Variants in NBAS observed in about 807,000 individuals in gnomAD.
The protein encoded by NBAS is NBAS subunit of NRZ tethering complex.
A neutral mutation model predicts 302.5 loss-of-function variants in NBAS; 219 were observed. The ratio of observed to expected loss-of-function variants is 0.72; its 90% CI spans 0.65 to 0.81. The LOEUF is 0.81. NBAS is among the 30% of genes least tolerant of loss of function. The pLI is 0.00. For missense variants in NBAS, 2,932 were observed against 2,841.6 expected (o/e 1.03, Z -0.72); for synonymous variants, 1,118 against 1,021.6 (o/e 1.09, Z -1.80).
At chr2:14,960,477 C>T in the NBAS span, among the ~76,000 whole-genome samples, 1 of 152,170 alleles carries the variant, frequency 6.6e-6, no homozygotes, top group African/African-American at 2.4e-5. Context: ...TGCATTAAGT[C>T]TTCTAATTCT....
chr2:15,374,009 C>T (rs75220008), intron 31 of NBAS, among the ~76,000 whole-genome samples: 1,681 of 152,248 alleles, frequency 0.011, 23 homozygotes, highest in African/African-American at 0.038. Flanking sequence ...GTCCTCACAG[C>T]ATAAATAGAT....
At chr2:15,078,740 C>T in the NBAS span, among the ~76,000 whole-genome samples, 411 of 152,232 alleles carry the variant, frequency 2.7e-3, 1 homozygote, top group African/African-American at 9.4e-3. Flanking sequence ...TTCGACTGTA[C>T]AGAAGAAAAT....
the NBAS span, among the ~76,000 whole-genome samples, chr2:15,003,835 G>A: frequency 6.6e-6 from 1 of 152,174 alleles, no homozygotes; most frequent in South Asian, 2.1e-4. Flanking sequence ...TAAAGCACCT[G>A]ATATTTCAAG....
the NBAS span, among the ~76,000 whole-genome samples, chr2:14,796,596 T>C: frequency 1.3e-5 from 2 of 152,068 alleles, no homozygotes; most frequent in Admixed American, 6.6e-5. Context: ...ATGCTATTGA[T>C]AGCGACAGGA....
the NBAS span, among the ~76,000 whole-genome samples, chr2:14,909,319 CA>C: frequency 0.048 from 2,248 of 46,658 alleles, 105 homozygotes; most frequent in African/African-American, 0.14. Context: ...GACTCCGTCT[CA>C]AAAAAAAAAA....
intron 10 of NBAS, among the ~76,000 whole-genome samples, chr2:15,506,420 G>A (rs890045957): frequency 6.6e-6 from 1 of 152,018 alleles, no homozygotes; most frequent in Non-Finnish European, 1.5e-5. Context: ...AACATACGAA[G>A]GGCAAATAAT....
chr2:14,794,777 C>T, the NBAS span, among the ~76,000 whole-genome samples: 4 of 152,146 alleles, frequency 2.6e-5, no homozygotes, highest in Admixed American at 1.3e-4. Context: ...ATTCCCCATT[C>T]CCAGTCAAAA....
intron 44 of NBAS, among the ~76,000 whole-genome samples, chr2:15,271,516 T>C (rs1387330852): frequency 6.6e-6 from 1 of 151,418 alleles, no homozygotes; most frequent in African/African-American, 2.4e-5. Context: ...AATACCTATC[T>C]AATTCCAGGT....
the NBAS span, among the ~76,000 whole-genome samples, chr2:15,097,743 C>T: frequency 3.3e-5 from 5 of 150,792 alleles, no homozygotes; most frequent in Non-Finnish European, 5.9e-5. Context: ...CCACCTAACA[C>T]CATCATCCTG....
At position 15,536,287 on chromosome 2, in the gene NBAS, T is replaced by C; in HGVS notation, c.647+131A>G. On this transcript the variant is annotated intron_variant, in intron 8 of 51. Coordinates refer to ENST00000281513, the MANE Select transcript of NBAS (RefSeq NM_015909.4). ...AATGGGTGTTCACCACACCACTCTT[T>C]CAAATTCCCTATTATATTTGCAATT... is the stretch of plus-strand genomic sequence containing the variant. 3 of 1,073,812 alleles carry C rather than the reference T, an allele frequency of 2.8e-6. 1 individual carries two copies. Among genetic ancestry groups the C allele is most frequent in the Middle Eastern group, 6.0e-4 (2 of 3,322 alleles). The allele number at this position is 1,073,812 out of a possible 1,614,324, so 66.5% of individuals were successfully genotyped here. A position where few individuals can be genotyped will look rare whatever the true frequency, so the allele number is the denominator to read the frequency against.
chr2:15,169,884 G>C (rs1053146129), intron 51 of NBAS, among the ~76,000 whole-genome samples: 2 of 152,186 alleles, frequency 1.3e-5, no homozygotes, highest in African/African-American at 4.8e-5. Context: ...CACACACAGG[G>C]CATCTGAGTT....
chr2:15,275,646 C>A lies in NBAS; in HGVS notation c.5562G>T (p.Leu1854Phe). Residue 1854 changes from leucine to phenylalanine, a missense_variant, in exon 44 of 52, where the codon TTG becomes TTT. Physicochemically the swap from Leu to Phe is conservative, Grantham distance 22 (BLOSUM62 0). Coordinates refer to ENST00000281513, the MANE Select transcript of NBAS (RefSeq NM_015909.4). ...TGAGATGAGGGTCTCCAGTCCAGAA[C>A]AACTTCTGTAACCAGATGGTGTACA... ...SSLYTIWLQK[L>F]FWTGDPHLIK... The A allele has an allele frequency of 6.2e-7, 1 of 1,614,184 alleles. No homozygotes were observed. Among genetic ancestry groups the A allele is most frequent in the African/African-American group, 1.3e-5 (1 of 75,058 alleles).
the NBAS span, among the ~76,000 whole-genome samples, chr2:14,825,673 C>A: frequency 6.6e-6 from 1 of 152,148 alleles, no homozygotes; most frequent in African/African-American, 2.4e-5. Context: ...TGTATTCCAG[C>A]AACTTATAAT....
intron 13 of NBAS, among the ~76,000 whole-genome samples, chr2:15,476,215 G>A (rs1680186145): frequency 6.6e-6 from 1 of 152,056 alleles, no homozygotes; most frequent in Non-Finnish European, 1.5e-5. Flanking sequence ...AAGTTGAAAG[G>A]CAGGTGTCTA....
the NBAS span, among the ~76,000 whole-genome samples, chr2:14,784,042 A>G: frequency 1.3e-4 from 19 of 151,888 alleles, no homozygotes; most frequent in African/African-American, 3.4e-4. Flanking sequence ...ATCTCATTGT[A>G]GTTTTGATTT....
chr2:15,369,716 T>G (rs1384191666), intron 31 of NBAS, among the ~76,000 whole-genome samples: 2 of 152,248 alleles, frequency 1.3e-5, no homozygotes, highest in African/African-American at 4.8e-5. Flanking sequence ...AAGATAGGCA[T>G]GTACGTACCT....
intron 9 of NBAS, among the ~76,000 whole-genome samples, chr2:15,533,525 A>T (rs1663325117): frequency 6.6e-6 from 1 of 152,226 alleles, no homozygotes; most frequent in Non-Finnish European, 1.5e-5. Flanking sequence ...GATTCCATTT[A>T]CGTGAAGTCA....
At chr2:14,979,915 C>G in the NBAS span, among the ~76,000 whole-genome samples, 1 of 152,004 alleles carries the variant, frequency 6.6e-6, no homozygotes, top group African/African-American at 2.4e-5. Context: ...TGTATAAAAC[C>G]CTGAAGGTAA....
At chr2:15,460,955 T>C (rs1013417807) in intron 21 of NBAS, among the ~76,000 whole-genome samples, 1 of 152,122 alleles carries the variant, frequency 6.6e-6, no homozygotes, top group Non-Finnish European at 1.5e-5. Context: ...ACATACTGAA[T>C]ACACAGAAGT....
Sources: gnomAD v4.1 joint callset for allele counts (sites outside exome capture counted in the v4.1 genomes callset) on GRCh38, gnomAD v4.1.1 for gene constraint, MANE v1.5 for transcripts, NCBI Gene and HGNC (gene_info 2026-07-23, HGNC 2026-07-21) for gene names.